RAI14: variants seen among roughly 807,000 people sequenced by gnomAD.
The protein encoded by RAI14 is ankycorbin.
Under a neutral mutation model 115.4 loss-of-function variants are expected in RAI14, and 45 were observed. That is an observed-to-expected ratio of 0.39 (90% CI 0.31 to 0.50). RAI14 has a LOEUF of 0.50. Ranked by LOEUF, RAI14 falls within the 20% of genes least tolerant of loss-of-function variation. The pLI is 0.85. For missense variants in RAI14, 939 were observed against 1,131.2 expected (o/e 0.83, Z 2.44); for synonymous variants, 371 against 415.4 (o/e 0.89, Z 1.30).
intron 2 of RAI14, among the ~76,000 whole-genome samples, chr5:34,751,835 ATTC>A (rs909775450): frequency 3.5e-4 from 53 of 152,364 alleles, no homozygotes; most frequent in African/African-American, 1.2e-3. Context: ...ATAGTGAAGA[ATTC>A]TTCTCTTCAC....
intron 2 of RAI14, among the ~76,000 whole-genome samples, chr5:34,746,101 G>A (rs113143167): frequency 1.9e-4 from 3 of 15,876 alleles, no homozygotes; most frequent in Non-Finnish European, 2.4e-4. Context: ...TCCCCCCCCC[G>A]CCTTTTTTTT....
intron 2 of RAI14, among the ~76,000 whole-genome samples, chr5:34,725,876 C>T (rs754953202): frequency 6.7e-5 from 10 of 148,472 alleles, no homozygotes; most frequent in Non-Finnish European, 1.3e-4. Flanking sequence ...GCAGGAGAAT[C>T]GCTTGAATCT....
intron 13 of RAI14, 89 bp from the exon 14 acceptor site, chr5:34,821,643 C>T: frequency 3.9e-6 from 3 of 779,004 alleles, no homozygotes; most frequent in East Asian, 2.6e-5. Flanking sequence ...GGAAGAAGAA[C>T]TGGATTAGGC....
intron 3 of RAI14, among the ~76,000 whole-genome samples, chr5:34,790,764 A>ATATATAG (rs1752830013): frequency 7.4e-6 from 1 of 135,840 alleles, no homozygotes; most frequent in Non-Finnish European, 1.7e-5. Flanking sequence ...GTGTGTATAT[A>ATATATAG]TACATATATA....
rs925888694 is a variant in RAI14, at chr5:34,714,989, C to A, written c.36+28034C>A. Among the ~76,000 whole-genome samples the A allele has an allele frequency of 3.3e-5, 5 of 152,100 alleles. No homozygotes were observed. In the East Asian group the frequency reaches 9.6e-4, roughly 29 times the overall value. ...GGTCCAAATGCTGGTGGGATCTCAA[C>A]CTCACCTGGTGTCCAGGTGCTTGAC... On this transcript the variant is annotated intron_variant, in intron 2 of 17. Transcript: ENST00000265109.
chr5:34,823,984 C>G lies in RAI14; in HGVS notation c.2142C>G (p.Thr714=). 1.9e-6 allele frequency: 3 copies of G among 1,613,918 alleles called. No individual in the cohort carries two copies. The highest frequency in any genetic ancestry group is 2.5e-6 in the Non-Finnish European group (3 of 1,179,872). ...SQYSKVLNEL[T]QLKQLVDAQK... Reference sequence around the variant, plus strand: ...ATTCAAAAGTGTTGAATGAGTTGACCCAGCTCAAACAACTGGTGGATGCAC... The same window carrying G: ...ATTCAAAAGTGTTGAATGAGTTGACGCAGCTCAAACAACTGGTGGATGCAC... Residue 714 remains threonine (T), a synonymous_variant, in exon 15 of 18, where the codon ACC becomes ACG. Coordinates refer to ENST00000265109, the MANE Select transcript of RAI14 (RefSeq NM_015577.3). The surrounding 1 kb of genome is among the most constrained non-coding windows in gnomAD (Gnocchi z 4.5).
chr5:34,789,812 G>A (rs1184935375), intron 3 of RAI14, among the ~76,000 whole-genome samples: 12 of 152,010 alleles, frequency 7.9e-5, no homozygotes, highest in Non-Finnish European at 8.8e-5. Context: ...TCTTGTATTC[G>A]TCAACAACCC....
rs567579808 is a variant in RAI14, at chr5:34,806,492, C to T, written c.322-1308C>T. Among the ~76,000 whole-genome samples the T allele has an allele frequency of 7.2e-5, 11 of 152,148 alleles. 1 individual carries two copies. The South Asian group carries it at 2.1e-3, about 29-fold the overall frequency. On this transcript the variant is annotated intron_variant, in intron 5 of 17. Transcript: ENST00000265109. Reference sequence around the variant, plus strand: ...TACCTTAGCTGTTCAGGTGAGAAGACGCTGTCCTAGAAAAGGGTGTCGGGA... The same window carrying T: ...TACCTTAGCTGTTCAGGTGAGAAGATGCTGTCCTAGAAAAGGGTGTCGGGA...
chr5:34,674,366 C>T (rs1743825750), intron 1 of RAI14, among the ~76,000 whole-genome samples: 1 of 152,118 alleles, frequency 6.6e-6, no homozygotes, highest in African/African-American at 2.4e-5. Flanking sequence ...CTCCAACATT[C>T]CAGAATGTGA....
chr5:34,732,439 A>ATTT (rs369302342), intron 2 of RAI14, among the ~76,000 whole-genome samples: 6 of 133,894 alleles, frequency 4.5e-5, no homozygotes, highest in African/African-American at 1.7e-4. Flanking sequence ...ACCATGCTTG[A>ATTT]TTTTTTTTTT....
In RAI14 at chr5:34,791,257, G is replaced by A. The variant is rs903534948; in HGVS notation, c.168-4682G>A. 6.6e-6 allele frequency among the ~76,000 whole-genome samples: 1 copy of A among 152,070 alleles called. No individual in the cohort carries two copies. Among genetic ancestry groups the A allele is most frequent in the Non-Finnish European group, 1.5e-5 (1 of 68,020 alleles). On this transcript the variant is annotated intron_variant, in intron 3 of 17. Transcript: ENST00000265109. This position sits in a 1 kb window ranked among gnomAD's most constrained non-coding sequence, Gnocchi z 5.4. ...TTAATATTTCTTTATTGAGTAGTGGGACCGTCTAGACTGTGTGCTGGCTCT... is the reference window on the plus strand; with the variant it reads ...TTAATATTTCTTTATTGAGTAGTGGAACCGTCTAGACTGTGTGCTGGCTCT...
At position 34,759,765 on chromosome 5, in the gene RAI14, G is replaced by A. The variant is rs187248167; in HGVS notation, c.167+2167G>A. Among the ~76,000 whole-genome samples the A allele has an allele frequency of 1.8e-4, 27 of 152,204 alleles. No homozygotes were observed. The East Asian group carries it at 2.7e-3, about 15-fold the overall frequency. On this transcript the variant is annotated intron_variant, in intron 3 of 17. Coordinates refer to ENST00000265109, the MANE Select transcript of RAI14 (RefSeq NM_015577.3). The stretch of plus-strand genomic sequence containing the variant: ...TTGAATCATCCCAAAACCATCCCCC[G>A]TACCTGGTCTGTGGAAAAATTGTCT...
At chr5:34,736,432 G>GT (rs996725079) in intron 2 of RAI14, among the ~76,000 whole-genome samples, 80 of 149,138 alleles carry the variant, frequency 5.4e-4, no homozygotes, top group African/African-American at 7.6e-4. Flanking sequence ...AGTGTTTTTT[G>GT]TTTTTTTTTT....
intron 3 of RAI14, among the ~76,000 whole-genome samples, chr5:34,775,616 C>T (rs942291531): frequency 4.6e-5 from 7 of 152,078 alleles, no homozygotes; most frequent in African/African-American, 1.7e-4. Flanking sequence ...CGACACTTCC[C>T]AAAAGACATA....
At chr5:34,742,428 T>G (rs1250017867) in intron 2 of RAI14, among the ~76,000 whole-genome samples, 1 of 152,226 alleles carries the variant, frequency 6.6e-6, no homozygotes, top group Non-Finnish European at 1.5e-5. Context: ...AGGGAATACC[T>G]AAAAGCATTC....
chr5:34,806,816 GT>G (rs1426558093), intron 5 of RAI14, among the ~76,000 whole-genome samples: 32 of 152,172 alleles, frequency 2.1e-4, no homozygotes, highest in Non-Finnish European at 4.4e-5. Flanking sequence ...TAGGCAGTGG[GT>G]TATCAAGCCT....
rs531180832 is a variant in RAI14 at position 34,671,974 on chromosome 5, A to G, written c.-48-14898A>G. 5.3e-5 allele frequency among the ~76,000 whole-genome samples: 8 copies of G among 152,294 alleles called. No individual in the cohort carries two copies. In the South Asian group the frequency reaches 1.7e-3, roughly 32 times the overall value. On this transcript the variant is annotated intron_variant, in intron 1 of 17. Transcript: ENST00000265109. ...CATCTAGAATGTCCTCAATAAATGC[A>G]TATTTGATTAAGCTCCTTCTTACCC...
intron 3 of RAI14, among the ~76,000 whole-genome samples, chr5:34,776,803 T>TCAAAAAAAAAAAAAACAACAA (rs1279080501): frequency 6.9e-6 from 1 of 144,866 alleles, no homozygotes; most frequent in Non-Finnish European, 1.5e-5. Context: ...TGAGACCCTT[T>TCAAAAAAAAAAAAAACAACAA]ATTAAAAAAA....
chr5:34,799,802 C>T (rs924635267), intron 4 of RAI14, among the ~76,000 whole-genome samples: 5 of 150,936 alleles, frequency 3.3e-5, no homozygotes, highest in Admixed American at 6.6e-5. Context: ...ATTCTGCTGC[C>T]TCAGCCTCCT....
Sources: gnomAD v4.1 joint callset for allele counts (sites outside exome capture counted in the v4.1 genomes callset) on GRCh38, gnomAD v4.1.1 for gene constraint, Gnocchi (gnomAD v3.1) non-coding constraint, MANE v1.5 for transcripts, NCBI Gene and HGNC (gene_info 2026-07-23, HGNC 2026-07-21) for gene names.